The following MOK variants were observed in gnomAD, a reference collection of about 807,000 sequenced individuals.
MOK encodes the protein MOK protein kinase.
Under a neutral mutation model 54.2 loss-of-function variants are expected in MOK, and 59 were observed. The observed-to-expected ratio is 1.09, with a 90% CI of 0.88 to 1.35. The LOEUF (loss-of-function observed/expected upper bound fraction) is 1.35. Among genes scored for constraint, MOK ranks in the 40% most tolerant of loss-of-function variants. The probability of loss-of-function intolerance (pLI) is 0.00; values close to 1 mark genes in which losing one functional copy is unlikely to be tolerated. For missense variants in MOK, 517 were observed against 526.2 expected (o/e 0.98, Z 0.17); for synonymous variants, 210 against 202.7 (o/e 1.04, Z -0.31).
At chr14:102,300,920 A>G (rs2072117915) in intron 1 of MOK, among the ~76,000 whole-genome samples, 1 of 152,118 alleles carries the variant, frequency 6.6e-6, no homozygotes, top group South Asian at 2.1e-4. Flanking sequence ...AACATGGTGA[A>G]ACCCCGTCTC....
At chr14:102,289,637 G>A (rs539461546) in intron 1 of MOK, among the ~76,000 whole-genome samples, 2 of 152,092 alleles carry the variant, frequency 1.3e-5, no homozygotes, top group East Asian at 3.9e-4. Flanking sequence ...TTACAGGTGT[G>A]TGCCACCATA....
rs369789313 is a variant in MOK at position 102,233,652 on chromosome 14, G to C, written c.692+36C>G. The C allele has an allele frequency of 8.7e-5, 136 of 1,568,190 alleles. No homozygotes were observed. The African/African-American group carries it at 1.7e-3, about 19-fold the overall frequency. ...CCCTGCTGCAGGTCCTAGCAGGGGA[G>C]TGGGTCCACATCCACTCTCAGAACA... On this transcript the variant is annotated intron_variant, in intron 8 of 11. Transcript: ENST00000361847.
chr14:102,234,070 G>A, intron 7 of MOK: 1 of 309,608 alleles, frequency 3.2e-6, no homozygotes. Context: ...TGTAAGCTTG[G>A]GGCTGCTTCC....
rs1178565293 is a variant in MOK at position 102,236,015 on chromosome 14, C to T, written c.591-2226G>A. On this transcript the variant is annotated intron_variant, in intron 7 of 11. Coordinates refer to ENST00000361847, the MANE Select transcript of MOK (RefSeq NM_014226.3). The surrounding 1 kb of genome is among the most constrained non-coding windows in gnomAD (Gnocchi z 4.5). ...CCTCCGGGCCTTGTTTTAAGTGTGGCAAAGAAGGCCACTGGGCATGGGTGT... is the reference window on the plus strand; with the variant it reads ...CCTCCGGGCCTTGTTTTAAGTGTGGTAAAGAAGGCCACTGGGCATGGGTGT... Among the ~76,000 whole-genome samples, 5 of 152,256 alleles carry T rather than the reference C, an allele frequency of 3.3e-5. No homozygotes were observed. The South Asian group carries it at 1.0e-3, about 32-fold the overall frequency.
intron 2 of MOK, among the ~76,000 whole-genome samples, chr14:102,278,409 G>C (rs1449883349): frequency 6.6e-6 from 1 of 150,970 alleles, no homozygotes; most frequent in Non-Finnish European, 1.5e-5. Context: ...CTTTTAGAGA[G>C]ACTAATAAAT....
chr14:102,257,017 T>C, intron 4 of MOK, among the ~76,000 whole-genome samples: 1 of 151,498 alleles, frequency 6.6e-6, no homozygotes, highest in Non-Finnish European at 1.5e-5. Flanking sequence ...GCCTTCGCCA[T>C]CCCTTCCCCA....
chr14:102,293,701 C>T lies in MOK; in HGVS notation c.8-10109G>A, dbSNP rs1432921626. 9.2e-5 allele frequency among the ~76,000 whole-genome samples: 5 copies of T among 54,610 alleles called. No homozygotes were observed. The East Asian group carries it at 4.9e-3, about 53-fold the overall frequency. The allele number at this position is 54,610 out of a possible 152,430, so 35.8% of individuals were successfully genotyped here. On this transcript the variant is annotated intron_variant, in intron 1 of 11. Coordinates refer to ENST00000361847, the MANE Select transcript of MOK (RefSeq NM_014226.3). ...GGGCAACAAGAGCGAAACTCCATCA[C>T]AAAAAAAAAAAAAAAAAAAAAAAAA...
chr14:102,251,613 G>A (rs1429754215), intron 6 of MOK, 143 bp downstream of exon 6: 1 of 729,062 alleles, frequency 1.4e-6, no homozygotes, highest in South Asian at 1.5e-5. Context: ...TTTACAACCT[G>A]AGAGGGAAAA....
intron 11 of MOK, 25 bp downstream of exon 11, chr14:102,229,432 G>A (rs757409046): frequency 4.3e-6 from 7 of 1,614,132 alleles, no homozygotes; most frequent in Non-Finnish European, 5.9e-6. Flanking sequence ...GAGCAGCGCC[G>A]TCAGAGAAGC....
At chr14:102,280,774 T>A (rs771734764) in intron 2 of MOK, 1 of 152,164 alleles carries the variant, frequency 6.6e-6, no homozygotes, top group Non-Finnish European at 1.5e-5. Flanking sequence ...AGGATGTGCT[T>A]CATCACCGGG....
intron 3 of MOK, 34 bp from the exon 4 acceptor site, chr14:102,263,650 T>C: frequency 6.7e-7 from 1 of 1,487,464 alleles, no homozygotes; most frequent in Non-Finnish European, 9.2e-7. Flanking sequence ...AAATAAATTT[T>C]CTGGCCTTAA....
rs2064602217 is a variant in MOK at position 102,230,676 on chromosome 14, A to G, written c.982-1019T>C. 1 of 153,104 alleles carries G rather than the reference A, an allele frequency of 6.5e-6. No individual in the cohort carries two copies. The highest frequency in any genetic ancestry group is 2.1e-4 in the South Asian group (1 of 4,838). The allele number at this position is 153,104 out of a possible 1,614,324, so 9.5% of individuals were successfully genotyped here. A position where few individuals can be genotyped will look rare whatever the true frequency, so the allele number is the denominator to read the frequency against. On this transcript the variant is annotated intron_variant, in intron 10 of 11. Transcript: ENST00000361847. This position sits in a 1 kb window ranked among gnomAD's most constrained non-coding sequence, Gnocchi z 4.1. ...AGGAGGGAGCGGAGGCAGAGCAGGG[A>G]CAGTAGTGAGGAGGCCATCTGTGGT... is the stretch of plus-strand genomic sequence containing the variant.
chr14:102,251,702 G>T (rs947732039), intron 6 of MOK, 54 bp downstream of exon 6: 38 of 1,427,850 alleles, frequency 2.7e-5, no homozygotes, highest in Non-Finnish European at 3.1e-5. Context: ...TTTCGGGAAA[G>T]ATTTTCTATT....
chr14:102,222,936 C>A (rs113637000), downstream of MOK: 1 of 1,607,140 alleles, frequency 6.2e-7, no homozygotes, highest in Non-Finnish European at 8.5e-7. This position sits in a 1 kb window ranked among gnomAD's most constrained non-coding sequence, Gnocchi z 4.4. Flanking sequence ...GAGGGAGTGA[C>A]GAGGAGGAGC....
In MOK at chr14:102,232,679, A is replaced by C. The variant is rs554700010; in HGVS notation, c.722T>G (p.Phe241Cys). The change falls in exon 9 of 12, where the codon TTT (phenylalanine) becomes TGT (cysteine). Residue 241 changes from phenylalanine to cysteine, a missense_variant. Transcript: ENST00000361847. This position sits in a 1 kb window ranked among gnomAD's most constrained non-coding sequence, Gnocchi z 5.1. ...TAGAGGTATTCCTGATCCCTTTTTA[A>C]AAGGAAAATCAAAATTCATAGCTCT... ...QSRAMNFDFP[F>C]KKGSGIPLLT... is the part of the protein sequence containing the mutation. 41 of 1,613,814 alleles carry C rather than the reference A, an allele frequency of 2.5e-5. No homozygotes were observed. In the African/African-American group the frequency reaches 5.5e-4, roughly 22 times the overall value.
chr14:102,237,311 C>G (rs1385164966), intron 7 of MOK, among the ~76,000 whole-genome samples: 2 of 152,186 alleles, frequency 1.3e-5, no homozygotes, highest in Non-Finnish European at 2.9e-5. Flanking sequence ...AACTTTCTCT[C>G]CATCAAAGGG....
At chr14:102,218,848 C>T in the MOK span, among the ~76,000 whole-genome samples, 2 of 152,256 alleles carry the variant, frequency 1.3e-5, no homozygotes, top group South Asian at 4.1e-4. Context: ...TGCCAGCTGT[C>T]CTGCTTCTGG....
intron 8 of MOK, 66 bp downstream of exon 8, chr14:102,233,622 G>A (rs1452370339): frequency 3.0e-5 from 42 of 1,406,628 alleles, no homozygotes; most frequent in Non-Finnish European, 3.9e-5. Flanking sequence ...ACAGGGAGGG[G>A]CTTGCCCTGC....
intron 7 of MOK, among the ~76,000 whole-genome samples, chr14:102,234,364 A>T (rs569329214): frequency 1.0e-3 from 151 of 151,522 alleles, no homozygotes; most frequent in South Asian, 4.6e-3. Flanking sequence ...GACTTCATCC[A>T]CCATCAAAGC....
Sources: allele counts gnomAD v4.1 joint callset (sites outside exome capture counted in the v4.1 genomes callset), GRCh38; gene constraint gnomAD v4.1.1; non-coding constraint Gnocchi (gnomAD v3.1); transcripts MANE v1.5; gene names NCBI Gene and HGNC (gene_info 2026-07-23, HGNC 2026-07-21).